The following TASP1 variants were observed in gnomAD, a reference collection of about 807,000 sequenced individuals.
The protein encoded by TASP1 is taspase 1, also known as threonine aspartase 1.
In TASP1, 16 loss-of-function variants were observed where a neutral mutation model predicts 56.6. The ratio of observed to expected loss-of-function variants is 0.28; its 90% CI spans 0.19 to 0.43. TASP1 has a LOEUF of 0.43. TASP1 is among the 20% of genes least tolerant of loss of function. TASP1 has a pLI of 1.00. For missense variants in TASP1, 393 were observed against 511.6 expected (o/e 0.77, Z 2.24); for synonymous variants, 179 against 184.2 (o/e 0.97, Z 0.23).
At chr20:13,478,182 A>C (rs1453406101) in intron 11 of TASP1, among the ~76,000 whole-genome samples, 1 of 152,172 alleles carries the variant, frequency 6.6e-6, no homozygotes, top group Non-Finnish European at 1.5e-5. Flanking sequence ...TAAAATTCAC[A>C]GTCTGGAACC....
the TASP1 span, among the ~76,000 whole-genome samples, chr20:13,333,562 T>C: frequency 1.3e-5 from 2 of 151,436 alleles, no homozygotes; most frequent in Non-Finnish European, 2.9e-5. Flanking sequence ...TTACACTGCC[T>C]TCTTTTAAAA....
chr20:13,417,422 G>A (rs1325863153), intron 13 of TASP1, 26 bp downstream of exon 13: 8 of 1,613,354 alleles, frequency 5.0e-6, no homozygotes, highest in African/African-American at 1.3e-5. Context: ...AAGGTTTTCA[G>A]GTTATGACCG....
chr20:13,283,602 G>C, the TASP1 span, among the ~76,000 whole-genome samples: 1 of 152,212 alleles, frequency 6.6e-6, no homozygotes, highest in Non-Finnish European at 1.5e-5. Context: ...CTGTGAGTCA[G>C]CTCAACTGTG....
the TASP1 span, among the ~76,000 whole-genome samples, chr20:13,328,269 G>A: frequency 6.6e-6 from 1 of 152,046 alleles, no homozygotes; most frequent in Non-Finnish European, 1.5e-5. Context: ...ACCATCTCAC[G>A]CCCGTCAGAA....
chr20:13,547,724 A>T (rs1009015513), intron 8 of TASP1, among the ~76,000 whole-genome samples: 2 of 152,198 alleles, frequency 1.3e-5, no homozygotes, highest in African/African-American at 2.4e-5. Flanking sequence ...AGGCATGAAG[A>T]TACTGCAACA....
chr20:13,627,300 C>T (rs769643498), intron 2 of TASP1, among the ~76,000 whole-genome samples: 6 of 152,140 alleles, frequency 3.9e-5, no homozygotes, highest in South Asian at 2.1e-4. Flanking sequence ...GCAAGATACA[C>T]GCTTTTGCAT....
the TASP1 span, among the ~76,000 whole-genome samples, chr20:13,336,861 C>T: frequency 6.6e-6 from 1 of 152,106 alleles, no homozygotes; most frequent in Non-Finnish European, 1.5e-5. Context: ...CCAGTGTGAA[C>T]CCTGGGCCTC....
At chr20:13,379,256 G>C in the TASP1 span, among the ~76,000 whole-genome samples, 4 of 152,152 alleles carry the variant, frequency 2.6e-5, no homozygotes, top group Admixed American at 6.5e-5. Flanking sequence ...AGGAGCTCTT[G>C]TAAGGCAGGC....
intron 10 of TASP1, among the ~76,000 whole-genome samples, chr20:13,519,230 C>T (rs560901122): frequency 2.6e-5 from 4 of 152,224 alleles, no homozygotes; most frequent in South Asian, 2.1e-4. Flanking sequence ...TTGGGTACTA[C>T]ACTCATGACC....
chr20:13,536,114 A>G (rs2045409367), intron 8 of TASP1, among the ~76,000 whole-genome samples: 1 of 152,208 alleles, frequency 6.6e-6, no homozygotes, highest in African/African-American at 2.4e-5. Context: ...GTCACCTTTA[A>G]GAAGGCTTCT....
intron 12 of TASP1, among the ~76,000 whole-genome samples, chr20:13,430,824 A>T (rs1380638924): frequency 3.3e-5 from 5 of 152,208 alleles, no homozygotes; most frequent in Non-Finnish European, 2.9e-5. Context: ...TCTATTCATG[A>T]ATCAGTAGAC....
chr20:13,126,645 A>G, the TASP1 span: 2 of 1,613,996 alleles, frequency 1.2e-6, no homozygotes, highest in Non-Finnish European at 1.7e-6. Flanking sequence ...TGCTTCATCC[A>G]TGAGCCCACC....
intron 12 of TASP1, among the ~76,000 whole-genome samples, chr20:13,430,081 G>A (rs1195048632): frequency 6.6e-6 from 1 of 152,050 alleles, no homozygotes; most frequent in Non-Finnish European, 1.5e-5. Flanking sequence ...CAATGTAAAA[G>A]GACACGCATC....
intron 10 of TASP1, among the ~76,000 whole-genome samples, chr20:13,521,776 TATA>T (rs755749679): frequency 2.8e-4 from 41 of 144,298 alleles, no homozygotes; most frequent in Middle Eastern, 3.5e-3. Flanking sequence ...AAACTTAAAG[TATA>T]ATAATAAAAT....
chr20:13,185,735 C>A, the TASP1 span, among the ~76,000 whole-genome samples: 1 of 152,112 alleles, frequency 6.6e-6, no homozygotes, highest in Non-Finnish European at 1.5e-5. Flanking sequence ...ATTATTGTCT[C>A]ATAAAAGTCA....
chr20:13,352,797 C>A, the TASP1 span, among the ~76,000 whole-genome samples: 1 of 152,208 alleles, frequency 6.6e-6, no homozygotes, highest in Non-Finnish European at 1.5e-5. Flanking sequence ...ATACAAGATT[C>A]TTTACAATCC....
intron 9 of TASP1, 48 bp from the exon 10 acceptor site, chr20:13,528,559 A>G (rs1339542209): frequency 1.3e-6 from 2 of 1,488,882 alleles, no homozygotes; most frequent in African/African-American, 2.8e-5. Flanking sequence ...TATCATATGT[A>G]ATTATTAGTT....
intron 1 of TASP1, among the ~76,000 whole-genome samples, chr20:13,634,004 TAAAC>T (rs138806818): frequency 0.014 from 2,155 of 152,280 alleles, 22 homozygotes; most frequent in Middle Eastern, 0.044. Flanking sequence ...CTCAAAAAGT[TAAAC>T]AGAGTTATGC....
intron 8 of TASP1, among the ~76,000 whole-genome samples, chr20:13,558,536 A>G: frequency 6.6e-6 from 1 of 151,956 alleles, no homozygotes; most frequent in Non-Finnish European, 1.5e-5. Flanking sequence ...TAATATATTA[A>G]ACTATTAGGA....
Sources: gnomAD v4.1 joint callset for allele counts (sites outside exome capture counted in the v4.1 genomes callset) on GRCh38, gnomAD v4.1.1 for gene constraint, MANE v1.5 for transcripts, NCBI Gene and HGNC (gene_info 2026-07-23, HGNC 2026-07-21) for gene names.